Variants in SBK1 observed in about 807,000 individuals in gnomAD.
SBK1 encodes the protein serine/threonine-protein kinase SBK1.
In SBK1, 11 loss-of-function variants were observed where a neutral mutation model predicts 24.4. That is an observed-to-expected ratio of 0.45 (90% CI 0.28 to 0.75). SBK1 has a LOEUF of 0.75. SBK1 is among the 30% of genes least tolerant of loss of function. SBK1 has a pLI of 0.12. For missense variants in SBK1, 467 were observed against 620.5 expected (o/e 0.75, Z 2.63); for synonymous variants, 308 against 284.4 (o/e 1.08, Z -0.83).
In SBK1 at chr16:28,292,799, G is replaced by A. The variant is rs1307208125; in HGVS notation, c.-509G>A. On this transcript the variant is annotated 5_prime_UTR_variant, in exon 1 of 4. Coordinates refer to ENST00000341901, the MANE Select transcript of SBK1 (RefSeq NM_001024401.3). ...CGGCGAGCCTCGGGGAAGAGGGGGGGCCCTCCCGGATCCGACACCGAGCGA... is the reference window on the plus strand; with the variant it reads ...CGGCGAGCCTCGGGGAAGAGGGGGGACCCTCCCGGATCCGACACCGAGCGA... 1 of 985,334 alleles carries A rather than the reference G, an allele frequency of 1.0e-6. No individual in the cohort carries two copies. Among genetic ancestry groups the A allele is most frequent in the Non-Finnish European group, 1.2e-6 (1 of 829,878 alleles). 61.0% of individuals were successfully genotyped at this position (985,334 alleles called of 1,614,324 possible).
chr16:28,318,483 G>A (rs527901908), intron 2 of SBK1, among the ~76,000 whole-genome samples: 1 of 152,368 alleles, frequency 6.6e-6, no homozygotes, highest in East Asian at 1.9e-4. Context: ...AGTGTGAGTT[G>A]TGAATGTGCA....
At chr16:28,303,695 A>G (rs1353352962) in intron 1 of SBK1, among the ~76,000 whole-genome samples, 1 of 151,670 alleles carries the variant, frequency 6.6e-6, no homozygotes, top group East Asian at 1.9e-4. Flanking sequence ...TCAAAAAAAA[A>G]TTTGTAGAGA....
chr16:28,303,065 G>A (rs2044690260), intron 1 of SBK1, among the ~76,000 whole-genome samples: 1 of 151,528 alleles, frequency 6.6e-6, no homozygotes, highest in African/African-American at 2.4e-5. Flanking sequence ...GATATCTAGG[G>A]GAAGGCAGAA....
chr16:28,271,454 G>A (rs1266786452), intron 1 of SBK1, among the ~76,000 whole-genome samples: 1 of 152,114 alleles, frequency 6.6e-6, no homozygotes. Context: ...CTACTTGGGA[G>A]GCTGAGACAG....
intron 1 of SBK1, among the ~76,000 whole-genome samples, chr16:28,305,806 G>T (rs2044712694): frequency 6.6e-6 from 1 of 152,152 alleles, no homozygotes; most frequent in Admixed American, 6.5e-5. Context: ...CTCCCAAAGT[G>T]CTGGGATTAC....
chr16:28,272,339 G>A (rs2044470771), intron 1 of SBK1, among the ~76,000 whole-genome samples: 1 of 152,068 alleles, frequency 6.6e-6, no homozygotes, highest in Non-Finnish European at 1.5e-5. Context: ...CAAAGTGCTG[G>A]GATTCCAGGT....
intron 1 of SBK1, among the ~76,000 whole-genome samples, chr16:28,264,715 G>A (rs2141557743): frequency 6.6e-6 from 1 of 152,242 alleles, no homozygotes; most frequent in African/African-American, 2.4e-5. Context: ...GGAACTTCAG[G>A]GTCATTGGTA....
chr16:28,280,149 A>ATATATATATATG lies in SBK1; in HGVS notation c.257+20648_257+20649insATATATATATGT, dbSNP rs1230385223. On this transcript the variant is annotated intron_variant, in intron 1 of 3. Transcript: ENST00000671413. ...TATATATATATATATATATATATAT[A>ATATATATATATG]TGTGTGTGTGTGTGTGTGTGTGTAT... 5.9e-3 allele frequency among the ~76,000 whole-genome samples: 232 copies of ATATATATATATG among 39,372 alleles called. 2 individuals are homozygous for ATATATATATATG. The highest frequency in any genetic ancestry group is 0.016 in the African/African-American group (188 of 12,120). The allele number at this position is 39,372 out of a possible 152,430, so 25.8% of individuals were successfully genotyped here. A position where few individuals can be genotyped will look rare whatever the true frequency, so the allele number is the denominator to read the frequency against.
intron 1 of SBK1, among the ~76,000 whole-genome samples, chr16:28,268,458 G>T (rs1356346981): frequency 6.8e-6 from 1 of 146,382 alleles, no homozygotes; most frequent in Non-Finnish European, 1.5e-5. Flanking sequence ...GTCTCACTAT[G>T]TTGCCCAGAA....
intron 1 of SBK1, among the ~76,000 whole-genome samples, chr16:28,284,718 T>C (rs1368704480): frequency 1.3e-5 from 2 of 152,190 alleles, no homozygotes; most frequent in Non-Finnish European, 2.9e-5. Context: ...GGCGAGTGGA[T>C]CACTTGAGGT....
chr16:28,276,264 C>A (rs1043339850), intron 1 of SBK1, among the ~76,000 whole-genome samples: 1 of 152,100 alleles, frequency 6.6e-6, no homozygotes, highest in Non-Finnish European at 1.5e-5. Flanking sequence ...GGATGGAATG[C>A]GGAATCTCGG....
chr16:28,313,581 G>A (rs1286121972), intron 1 of SBK1, among the ~76,000 whole-genome samples: 2 of 144,360 alleles, frequency 1.4e-5, no homozygotes, highest in African/African-American at 5.1e-5. Context: ...CTGGGTGACA[G>A]AGCGATACCC....
chr16:28,279,319 A>G (rs1797576226), intron 1 of SBK1, among the ~76,000 whole-genome samples: 1 of 150,230 alleles, frequency 6.7e-6, no homozygotes, highest in Admixed American at 6.7e-5. Flanking sequence ...GGATCACTTG[A>G]GCCCCAAAGT....
chr16:28,273,281 C>T (rs974360066), intron 1 of SBK1, among the ~76,000 whole-genome samples: 2 of 151,524 alleles, frequency 1.3e-5, no homozygotes, highest in Non-Finnish European at 2.9e-5. Flanking sequence ...AGTGCAATGG[C>T]GCAGTCTCGG....
chr16:28,282,466 T>C (rs966029412), intron 1 of SBK1, among the ~76,000 whole-genome samples: 5 of 152,104 alleles, frequency 3.3e-5, no homozygotes, highest in Non-Finnish European at 5.9e-5. Flanking sequence ...GAACTTTGTG[T>C]CTCCTCTGTA....
rs143216455 is a variant in SBK1 at position 28,263,886 on chromosome 16, A to T, written c.257+4384A>T. 3.3e-4 allele frequency among the ~76,000 whole-genome samples: 51 copies of T among 152,256 alleles called. 1 individual carries two copies. Among genetic ancestry groups the T allele is most frequent in the African/African-American group, 1.2e-3 (49 of 41,536 alleles). ...ATGCCTATAATCCCAGCACTTTGGGAGACCAAAACAGGAGGATTGCCTGAG... is the reference window on the plus strand; with the variant it reads ...ATGCCTATAATCCCAGCACTTTGGGTGACCAAAACAGGAGGATTGCCTGAG... On this transcript the variant is annotated intron_variant, in intron 1 of 3. Transcript: ENST00000671413.
chr16:28,269,647 C>T (rs187102660), intron 1 of SBK1, among the ~76,000 whole-genome samples: 1 of 151,204 alleles, frequency 6.6e-6, no homozygotes, highest in Admixed American at 6.6e-5. Context: ...GCAGCAGGAT[C>T]AGTTGAGGTC....
intron 1 of SBK1, among the ~76,000 whole-genome samples, chr16:28,281,414 C>T (rs1042129580): frequency 3.3e-5 from 5 of 152,124 alleles, no homozygotes; most frequent in Non-Finnish European, 7.3e-5. Flanking sequence ...TGTCCCTCCC[C>T]GAGTCCCGGG....
intron 1 of SBK1, among the ~76,000 whole-genome samples, chr16:28,267,900 C>G (rs371714949): frequency 1.6e-4 from 24 of 152,280 alleles, no homozygotes; most frequent in African/African-American, 5.3e-4. Context: ...GTAATCCCAG[C>G]GCTTTGGGAG....
Sources: allele counts gnomAD v4.1 joint callset (sites outside exome capture counted in the v4.1 genomes callset), GRCh38; gene constraint gnomAD v4.1.1; transcripts MANE v1.5; gene names NCBI Gene and HGNC (gene_info 2026-07-23, HGNC 2026-07-21).